Variants in NUBPL observed in about 807,000 individuals in gnomAD.
NUBPL encodes iron-sulfur cluster transfer protein NUBPL.
NUBPL carries 31 observed loss-of-function variants against 45.7 expected under a neutral mutation model. The ratio of observed to expected loss-of-function variants is 0.68; its 90% CI spans 0.51 to 0.92. The LOEUF (loss-of-function observed/expected upper bound fraction) is 0.92. NUBPL is among the 40% of genes least tolerant of loss of function. NUBPL has a pLI of 0.00. For synonymous variants in NUBPL, 144 were observed against 140.9 expected, an observed-to-expected ratio of 1.02 and a Z score of -0.15; for missense variants, 401 against 398.7, an observed-to-expected ratio of 1.01 and a Z score of -0.05.
intron 4 of NUBPL, among the ~76,000 whole-genome samples, chr14:31,619,555 T>C (rs1354933979): frequency 2.6e-5 from 4 of 152,164 alleles, no homozygotes; most frequent in African/African-American, 9.7e-5. Context: ...TGTAGTTTGG[T>C]TGGATATGAA....
At chr14:31,586,982 A>G (rs1355571031) in intron 3 of NUBPL, among the ~76,000 whole-genome samples, 5 of 152,302 alleles carry the variant, frequency 3.3e-5, no homozygotes, top group African/African-American at 9.6e-5. Flanking sequence ...TTGGGACTCT[A>G]TAACCTCACT....
chr14:31,757,368 A>G (rs1482479648), intron 6 of NUBPL, among the ~76,000 whole-genome samples: 1 of 151,532 alleles, frequency 6.6e-6, no homozygotes, highest in Non-Finnish European at 1.5e-5. Flanking sequence ...GATTATTGCC[A>G]CAATTTCAGA....
intron 7 of NUBPL, among the ~76,000 whole-genome samples, chr14:31,791,628 G>A (rs1262035684): frequency 2.0e-5 from 3 of 152,136 alleles, no homozygotes; most frequent in Non-Finnish European, 4.4e-5. Flanking sequence ...GGAGAGAGTG[G>A]CTGGTAAGAA....
At chr14:31,805,914 T>TAA (rs144717233) in intron 7 of NUBPL, among the ~76,000 whole-genome samples, 2 of 151,968 alleles carry the variant, frequency 1.3e-5, no homozygotes, top group African/African-American at 4.8e-5. Flanking sequence ...AAATAAAAAT[T>TAA]AAAAAATTTT....
intron 4 of NUBPL, among the ~76,000 whole-genome samples, chr14:31,617,860 C>T (rs2034950690): frequency 6.6e-6 from 1 of 152,138 alleles, no homozygotes; most frequent in Non-Finnish European, 1.5e-5. Context: ...GGTACCAGCT[C>T]CTCTTTGTAC....
chr14:31,725,218 C>T (rs531322415), intron 6 of NUBPL, among the ~76,000 whole-genome samples: 37 of 152,142 alleles, frequency 2.4e-4, no homozygotes, highest in Non-Finnish European at 4.3e-4. Flanking sequence ...ATTAAGAGTA[C>T]TCAAACAACC....
intron 6 of NUBPL, among the ~76,000 whole-genome samples, chr14:31,682,128 C>T (rs756006877): frequency 2.6e-5 from 4 of 152,088 alleles, no homozygotes; most frequent in Non-Finnish European, 4.4e-5. Context: ...GGAGTGTTAA[C>T]ATCTCCAGGT....
chr14:31,605,293 T>G (rs1002729833), intron 4 of NUBPL, among the ~76,000 whole-genome samples: 10 of 152,180 alleles, frequency 6.6e-5, no homozygotes, highest in Non-Finnish European at 1.3e-4. Flanking sequence ...AATATCTGCT[T>G]TGTTTCATAG....
intron 7 of NUBPL, among the ~76,000 whole-genome samples, chr14:31,808,282 A>G (rs971931678): frequency 2.6e-5 from 4 of 151,962 alleles, no homozygotes; most frequent in Non-Finnish European, 4.4e-5. Flanking sequence ...ATTTGTTTGT[A>G]TCCTCTTTTA....
rs1414027500 is a variant in NUBPL, at chr14:31,683,042, G to T, written c.513+9468G>T. 3.1e-5 allele frequency among the ~76,000 whole-genome samples: 4 copies of T among 129,122 alleles called. No homozygotes were observed. In the East Asian group the frequency reaches 8.7e-4, roughly 28 times the overall value. The allele number at this position is 129,122 out of a possible 152,430, so 84.7% of individuals were successfully genotyped here. ...CCTTTTTTTTTTTTTTTTTGACAACGAGCTCTTGTAGAAACTAATAGAGTG... is the reference window on the plus strand; with the variant it reads ...CCTTTTTTTTTTTTTTTTTGACAACTAGCTCTTGTAGAAACTAATAGAGTG... On this transcript the variant is annotated intron_variant, in intron 6 of 10. Coordinates refer to ENST00000281081, the MANE Select transcript of NUBPL (RefSeq NM_025152.3).
chr14:31,717,235 T>A (rs1284753042), intron 6 of NUBPL, among the ~76,000 whole-genome samples: 1 of 152,230 alleles, frequency 6.6e-6, no homozygotes, highest in Non-Finnish European at 1.5e-5. Flanking sequence ...CTCTTGCTTC[T>A]GGGCCTTCCC....
At chr14:31,633,712 A>G (rs1289938694) in intron 4 of NUBPL, among the ~76,000 whole-genome samples, 9 of 152,098 alleles carry the variant, frequency 5.9e-5, no homozygotes, top group Admixed American at 5.9e-4. Context: ...GTTTTTCCTT[A>G]TTTTGGTCAA....
At chr14:31,641,884 T>C (rs2035711391) in intron 4 of NUBPL, among the ~76,000 whole-genome samples, 1 of 152,198 alleles carries the variant, frequency 6.6e-6, no homozygotes, top group Admixed American at 6.5e-5. Flanking sequence ...TAACTGGCCG[T>C]TTTATACTGT....
chr14:31,715,732 G>A (rs1346024602), intron 6 of NUBPL, among the ~76,000 whole-genome samples: 1 of 152,190 alleles, frequency 6.6e-6, no homozygotes. Flanking sequence ...GAGTGAATGT[G>A]ATTGCCTAGA....
chr14:31,574,213 G>A (rs1209621577), intron 3 of NUBPL, among the ~76,000 whole-genome samples: 1 of 152,050 alleles, frequency 6.6e-6, no homozygotes, highest in Non-Finnish European at 1.5e-5. Flanking sequence ...CTAAATAAAA[G>A]CTTTTAAGTA....
At chr14:31,621,977 G>C (rs1027740857) in intron 4 of NUBPL, among the ~76,000 whole-genome samples, 5 of 152,186 alleles carry the variant, frequency 3.3e-5, no homozygotes, top group Admixed American at 6.5e-5. Context: ...GAACTTCCTA[G>C]TGTCTGGTTG....
rs998742075 is a variant in NUBPL, at chr14:31,624,559, C to CTTTA, written c.382+25200_382+25203dup. On this transcript the variant is annotated intron_variant, in intron 4 of 10. Coordinates refer to ENST00000281081, the MANE Select transcript of NUBPL (RefSeq NM_025152.3). ...GAAGACATTTAGCAATGACTAAAGACTTTATTTATTTATTTATTTATTTGA... is the reference window on the plus strand; with the variant it reads ...GAAGACATTTAGCAATGACTAAAGACTTTATTTATTTATTTATTTATTTATTTGA... Among the ~76,000 whole-genome samples the CTTTA allele has an allele frequency of 2.2e-4, 33 of 151,996 alleles. No individual in the cohort carries two copies. In the East Asian group the frequency reaches 3.1e-3, roughly 14 times the overall value.
intron 8 of NUBPL, among the ~76,000 whole-genome samples, chr14:31,838,524 A>G (rs2040320370): frequency 6.6e-6 from 1 of 152,192 alleles, no homozygotes; most frequent in African/African-American, 2.4e-5. Flanking sequence ...TCAAAACAAC[A>G]CAAAATTAAT....
intron 7 of NUBPL, among the ~76,000 whole-genome samples, chr14:31,811,089 A>G (rs1022447366): frequency 1.3e-5 from 2 of 151,926 alleles, no homozygotes; most frequent in African/African-American, 2.4e-5. Context: ...TCTGATAATT[A>G]TATGTCTTGG....
Sources: allele counts gnomAD v4.1 joint callset (sites outside exome capture counted in the v4.1 genomes callset), GRCh38; gene constraint gnomAD v4.1.1; transcripts MANE v1.5; gene names NCBI Gene and HGNC (gene_info 2026-07-23, HGNC 2026-07-21).